Variants in LDB2 observed in about 807,000 individuals in gnomAD.
LDB2 encodes LIM domain binding 2.
A neutral mutation model predicts 44.3 loss-of-function variants in LDB2; 12 were observed. The ratio of observed to expected loss-of-function variants is 0.27; its 90% confidence interval spans 0.17 to 0.44. The LOEUF (loss-of-function observed/expected upper bound fraction) is 0.44. LDB2 is among the 20% of genes least tolerant of loss of function. LDB2 has a pLI of 1.00. For missense variants in LDB2, 344 were observed against 473.5 expected (o/e 0.73, Z 2.54); for synonymous variants, 164 against 174.8 (o/e 0.94, Z 0.49).
intron 2 of LDB2, among the ~76,000 whole-genome samples, chr4:16,752,713 T>C (rs1225491127): frequency 6.6e-6 from 1 of 152,204 alleles, no homozygotes; most frequent in Non-Finnish European, 1.5e-5. Flanking sequence ...ATGTTGGCAT[T>C]ATTGTTACCC....
chr4:16,882,584 C>A (rs1033248621), intron 1 of LDB2, among the ~76,000 whole-genome samples: 1 of 152,154 alleles, frequency 6.6e-6, no homozygotes, highest in Non-Finnish European at 1.5e-5. Flanking sequence ...GGTTAAGCTC[C>A]TTGGAAATAC....
intron 5 of LDB2, among the ~76,000 whole-genome samples, chr4:16,580,576 G>T (rs1054824459): frequency 6.6e-6 from 1 of 152,174 alleles, no homozygotes; most frequent in Non-Finnish European, 1.5e-5. Context: ...CTAAAATATA[G>T]TAAGTAGATG....
chr4:16,594,298 T>C (rs1211783284), intron 3 of LDB2, among the ~76,000 whole-genome samples: 2 of 152,342 alleles, frequency 1.3e-5, no homozygotes, highest in Middle Eastern at 6.8e-3. Flanking sequence ...TACAAGATTA[T>C]GTAAATGTTC....
intron 1 of LDB2, chr4:16,889,287 A>G (rs554901789): frequency 1.3e-5 from 2 of 152,378 alleles, no homozygotes; most frequent in South Asian, 4.1e-4. Context: ...ATCATGATTC[A>G]TACCGTAATT....
chr4:16,823,527 G>A (rs770409780), intron 1 of LDB2, among the ~76,000 whole-genome samples: 2 of 152,030 alleles, frequency 1.3e-5, no homozygotes, highest in African/African-American at 2.4e-5. Flanking sequence ...CACTAAATGC[G>A]AAAACATCCA....
chr4:16,830,109 CAAAAAGAAA>C lies in LDB2; in HGVS notation c.132+68236_132+68244del, dbSNP rs534459566. On this transcript the variant is annotated intron_variant, in intron 1 of 7. Transcript: ENST00000304523. Reference sequence around the variant, plus strand: ...CTGGTGACAGAGCAAGACTCCATCTCAAAAAGAAAAAAAAGAAGAAAAAGAGAAGAAAAA... The same window carrying C: ...CTGGTGACAGAGCAAGACTCCATCTCAAAAAGAAGAAAAAGAGAAGAAAAA... 7.1e-4 allele frequency among the ~76,000 whole-genome samples: 108 copies of C among 151,262 alleles called. 1 individual carries two copies. In the East Asian group the frequency reaches 0.02, roughly 27 times the overall value.
At chr4:16,783,925 C>T (rs573636720) in intron 1 of LDB2, among the ~76,000 whole-genome samples, 2 of 152,278 alleles carry the variant, frequency 1.3e-5, no homozygotes, top group African/African-American at 2.4e-5. Flanking sequence ...CAAGCTTCTA[C>T]AATCATGTAG....
intron 1 of LDB2, among the ~76,000 whole-genome samples, chr4:16,763,818 CTTAATAG>C (rs1768548754): frequency 6.6e-6 from 1 of 152,022 alleles, no homozygotes; most frequent in Non-Finnish European, 1.5e-5. Flanking sequence ...ATTTCTGCCT[CTTAATAG>C]CTGGATGACC....
intron 2 of LDB2, among the ~76,000 whole-genome samples, chr4:16,604,948 G>T (rs1723527667): frequency 6.6e-6 from 1 of 152,204 alleles, no homozygotes; most frequent in South Asian, 2.1e-4. Context: ...AGTGAAAGCA[G>T]CGCTCTATTT....
Position 16,755,869 on chromosome 4 carries a change from A to G in LDB2, c.235+3289T>C, listed in dbSNP as rs114364993. The stretch of plus-strand genomic sequence containing the variant: ...AGTGGCCTTAGGGATGCACAGGCCA[A>G]TTTCTCACATAGTCTAATAACCTGG... On this transcript the variant is annotated intron_variant, in intron 2 of 7. Coordinates refer to ENST00000304523, the MANE Select transcript of LDB2 (RefSeq NM_001290.5). Among the ~76,000 whole-genome samples the G allele has an allele frequency of 7.5e-3, 1,134 of 152,126 alleles. 16 individuals carry two copies. Among genetic ancestry groups the G allele is most frequent in the African/African-American group, 0.026 (1,082 of 41,494 alleles).
At chr4:16,796,916 G>A (rs977310231) in intron 1 of LDB2, among the ~76,000 whole-genome samples, 2 of 152,090 alleles carry the variant, frequency 1.3e-5, no homozygotes, top group Non-Finnish European at 2.9e-5. Flanking sequence ...AACATTCATG[G>A]TTAACAAACA....
intron 1 of LDB2, among the ~76,000 whole-genome samples, chr4:16,831,187 T>C (rs1242291790): frequency 6.6e-6 from 1 of 150,946 alleles, no homozygotes; most frequent in Non-Finnish European, 1.5e-5. Context: ...TTTTTTTTTT[T>C]TTTTTCTATT....
chr4:16,586,925 A>T (rs1717196774), intron 4 of LDB2, among the ~76,000 whole-genome samples: 1 of 152,184 alleles, frequency 6.6e-6, no homozygotes, highest in African/African-American at 2.4e-5. Flanking sequence ...AATGTGACTT[A>T]TTCTTTTCTG....
Position 16,715,340 on chromosome 4 carries a change from AACAGC to A in LDB2, c.235+43813_235+43817del, listed in dbSNP as rs558506532. ...TATTTCAATCATTAATTCATTAACA[AACAGC>A]ACAGTAGGCACTCAACACAGCTTTT... On this transcript the variant is annotated intron_variant, in intron 2 of 7. Transcript: ENST00000304523. Among the ~76,000 whole-genome samples, 478 of 152,358 alleles carry A rather than the reference AACAGC, an allele frequency of 3.1e-3. 1 individual carries two copies. Among genetic ancestry groups the A allele is most frequent in the African/African-American group, 0.011 (456 of 41,592 alleles).
In LDB2 at chr4:16,640,205, A is replaced by G. The variant is rs527376606; in HGVS notation, c.236-44330T>C. 9.6e-4 allele frequency among the ~76,000 whole-genome samples: 146 copies of G among 152,248 alleles called. 1 individual carries two copies. Among genetic ancestry groups the G allele is most frequent in the Non-Finnish European group, 1.7e-3 (115 of 68,044 alleles). ...CTATTCTACAAGGGATAAGAGGACA[A>G]GTATTCTACCTTGTGGGTGTACAAA... On this transcript the variant is annotated intron_variant, in intron 2 of 7. Transcript: ENST00000304523.
intron 6 of LDB2, among the ~76,000 whole-genome samples, chr4:16,509,629 A>G (rs1188763878): frequency 1.3e-5 from 2 of 152,198 alleles, no homozygotes; most frequent in African/African-American, 4.8e-5. Context: ...TTAGTTAGGA[A>G]CTATTATTGT....
intron 2 of LDB2, among the ~76,000 whole-genome samples, chr4:16,667,996 G>T (rs1241932484): frequency 6.6e-6 from 1 of 152,038 alleles, no homozygotes; most frequent in African/African-American, 2.4e-5. Context: ...AATACAGGCT[G>T]GGATCCAATA....
intron 2 of LDB2, among the ~76,000 whole-genome samples, chr4:16,736,982 T>G (rs1385082380): frequency 1.3e-5 from 2 of 152,174 alleles, no homozygotes; most frequent in African/African-American, 4.8e-5. Context: ...GAGTTAGTTT[T>G]AAACATAAAT....
chr4:16,772,105 G>T (rs562112840), intron 1 of LDB2, among the ~76,000 whole-genome samples: 1 of 152,064 alleles, frequency 6.6e-6, no homozygotes, highest in Non-Finnish European at 1.5e-5. Flanking sequence ...AACCAGCTGC[G>T]TCCACCACCA....
Sources: gnomAD v4.1 joint callset for allele counts (sites outside exome capture counted in the v4.1 genomes callset) on GRCh38, gnomAD v4.1.1 for gene constraint, MANE v1.5 for transcripts, NCBI Gene and HGNC (gene_info 2026-07-23, HGNC 2026-07-21) for gene names.